Variants in RILPL2 observed in about 807,000 individuals in gnomAD.
The protein encoded by RILPL2 is RILP-like protein 2.
RILPL2 carries 19 observed loss-of-function variants against 22.2 expected under a neutral mutation model. The ratio of observed to expected loss-of-function variants is 0.86; its 90% CI spans 0.60 to 1.25. The LOEUF (loss-of-function observed/expected upper bound fraction) is 1.25, where lower values mean the gene tolerates loss of function less well. Ranked by LOEUF, RILPL2 falls within the 50% of genes most tolerant of loss-of-function variation. RILPL2 has a pLI of 0.00. For missense variants in RILPL2, 243 were observed against 263.6 expected (o/e 0.92, Z 0.54); for synonymous variants, 123 against 111.6 (o/e 1.10, Z -0.64).
At chr12:123,426,682 G>T (rs1879450192) in intron 2 of RILPL2, among the ~76,000 whole-genome samples, 1 of 151,902 alleles carries the variant, frequency 6.6e-6, no homozygotes, top group African/African-American at 2.4e-5. Flanking sequence ...CTCACTGCAG[G>T]CTCTGCCCCC....
At chr12:123,424,798 A>G (rs1879391095) in intron 2 of RILPL2, among the ~76,000 whole-genome samples, 1 of 152,204 alleles carries the variant, frequency 6.6e-6, no homozygotes, top group South Asian at 2.1e-4. Flanking sequence ...GCCCACTGGT[A>G]AATTTACCCC....
At chr12:123,410,524 C>T (rs1197288131), downstream of RILPL2, among the ~76,000 whole-genome samples, 1 of 152,166 alleles carries the variant, frequency 6.6e-6, no homozygotes, top group Non-Finnish European at 1.5e-5. Context: ...CCCAAAGATT[C>T]AGGCATCAGT....
At chr12:123,433,056 C>T (rs1879696367) in intron 1 of RILPL2, among the ~76,000 whole-genome samples, 1 of 151,518 alleles carries the variant, frequency 6.6e-6, no homozygotes, top group Non-Finnish European at 1.5e-5. Context: ...ATGTGAATTT[C>T]AGTGACTCTG....
downstream of RILPL2, chr12:123,413,348 GT>G (rs1879024501): frequency 1.3e-5 from 2 of 155,108 alleles, no homozygotes; most frequent in Non-Finnish European, 2.9e-5. Flanking sequence ...CGTGTCCAGA[GT>G]TTGTTCCTTC....
chr12:123,435,490 G>C (rs2139257457), intron 1 of RILPL2, among the ~76,000 whole-genome samples: 1 of 152,264 alleles, frequency 6.6e-6, no homozygotes, highest in East Asian at 1.9e-4. Context: ...CACAAGCCCA[G>C]CACTTTGGGA....
intron 2 of RILPL2, among the ~76,000 whole-genome samples, chr12:123,429,439 G>A (rs1198810854): frequency 6.6e-6 from 1 of 151,866 alleles, no homozygotes; most frequent in Non-Finnish European, 1.5e-5. Context: ...GGGATTACAG[G>A]CGCCCGCCAC....
Position 123,436,035 on chromosome 12 carries a change from A to G in RILPL2, c.339+47T>C. On this transcript the variant is annotated intron_variant, in intron 1 of 3. Transcript: ENST00000280571. The surrounding 1 kb of genome is among the most constrained non-coding windows in gnomAD (Gnocchi z 6.7). ...TCTCCCTGCCAGTAGGTGCCCTCCT[A>G]CGCCCCGCAGGCGCCGTGGGCCCGG... 2 of 1,539,986 alleles carry G rather than the reference A, an allele frequency of 1.3e-6. No homozygotes were observed. Among genetic ancestry groups the G allele is most frequent in the African/African-American group, 2.7e-5 (2 of 72,804 alleles).
At chr12:123,429,878 G>C (rs1879566598) in intron 2 of RILPL2, among the ~76,000 whole-genome samples, 1 of 151,692 alleles carries the variant, frequency 6.6e-6, no homozygotes, top group Non-Finnish European at 1.5e-5. Context: ...ACTTTGGGGA[G>C]GCTGAGGCAG....
chr12:123,430,099 CAAAAAAAAAAA>C (rs59871132), intron 2 of RILPL2, among the ~76,000 whole-genome samples: 1 of 18,788 alleles, frequency 5.3e-5, no homozygotes, highest in South Asian at 4.6e-3. Flanking sequence ...GTGAGACCCT[CAAAAAAAAAAA>C]AAAAAAAAAA....
chr12:123,425,759 C>T (rs1879427723), intron 2 of RILPL2, among the ~76,000 whole-genome samples: 2 of 151,800 alleles, frequency 1.3e-5, no homozygotes, highest in African/African-American at 4.8e-5. Context: ...AAGCAATTCC[C>T]CTGCCCCAGC....
intron 1 of RILPL2, among the ~76,000 whole-genome samples, chr12:123,434,329 G>A (rs955428772): frequency 7.2e-5 from 11 of 151,908 alleles, no homozygotes; most frequent in South Asian, 4.2e-4. Context: ...GAAGTGGGAG[G>A]ACTGCTTGAG....
intron 3 of RILPL2, among the ~76,000 whole-genome samples, chr12:123,417,883 C>T (rs963263447): frequency 6.6e-6 from 1 of 152,010 alleles, no homozygotes; most frequent in South Asian, 2.1e-4. Flanking sequence ...CTGTGCCTGG[C>T]CTGTTCTGGG....
intron 1 of RILPL2, among the ~76,000 whole-genome samples, chr12:123,434,752 C>A (rs115426700): frequency 0.021 from 3,208 of 150,560 alleles, 53 homozygotes; most frequent in Middle Eastern, 0.042. Flanking sequence ...ATGTGTAGAT[C>A]CCTATATCCA....
intron 1 of RILPL2, among the ~76,000 whole-genome samples, chr12:123,434,628 A>G (rs1301524455): frequency 1.3e-5 from 2 of 151,622 alleles, no homozygotes; most frequent in East Asian, 4.0e-4. Context: ...GAGTTTCACC[A>G]TGTTGGCCAG....
Position 123,436,156 on chromosome 12 carries a change from G to A in RILPL2, c.265C>T (p.Leu89=). 1 of 1,606,300 alleles carries A rather than the reference G, an allele frequency of 6.2e-7. No homozygotes were observed. Among genetic ancestry groups the A allele is most frequent in the Non-Finnish European group, 8.5e-7 (1 of 1,176,832 alleles). Residue 89 remains leucine (L), a synonymous_variant, in exon 1 of 4, where the codon CTG becomes TTG. Transcript: ENST00000280571. The surrounding 1 kb of genome is among the most constrained non-coding windows in gnomAD (Gnocchi z 6.7). ...CTGAGGTGGTCCCTCTCCATCTTCAGCTCCTCCAGCGCCAGGCTGCCCTCA... is the reference window on the plus strand; with the variant it reads ...CTGAGGTGGTCCCTCTCCATCTTCAACTCCTCCAGCGCCAGGCTGCCCTCA... ...VNEGSLALEE[L]KMERDHLRKE...
intron 2 of RILPL2, among the ~76,000 whole-genome samples, chr12:123,427,906 G>A (rs1879488168): frequency 6.6e-6 from 1 of 152,116 alleles, no homozygotes; most frequent in African/African-American, 2.4e-5. Context: ...GGATGCAGTT[G>A]CTATGAGAAC....
chr12:123,416,069 A>G (rs1879108944), intron 3 of RILPL2, 148 bp from the exon 4 acceptor site: 1 of 824,538 alleles, frequency 1.2e-6, no homozygotes, highest in Non-Finnish European at 2.1e-6. Flanking sequence ...CTGTAATCCT[A>G]TGATTTTGGG....
chr12:123,409,879 A>G, the RILPL2 span, among the ~76,000 whole-genome samples: 1 of 151,900 alleles, frequency 6.6e-6, no homozygotes, highest in Admixed American at 6.6e-5. Context: ...GCCAGCCACC[A>G]CACCCAGCTA....
the RILPL2 span, among the ~76,000 whole-genome samples, chr12:123,409,714 CT>C: frequency 6.6e-5 from 6 of 90,564 alleles, no homozygotes; most frequent in African/African-American, 2.2e-4. Flanking sequence ...CACACCTGGC[CT>C]TTTTTTTTTT....
Sources: allele counts gnomAD v4.1 joint callset (sites outside exome capture counted in the v4.1 genomes callset), GRCh38; gene constraint gnomAD v4.1.1; non-coding constraint Gnocchi (gnomAD v3.1); transcripts MANE v1.5; gene names NCBI Gene and HGNC (gene_info 2026-07-23, HGNC 2026-07-21).